Variants in EYS observed in about 807,000 individuals in gnomAD.
The protein encoded by EYS is protein eyes shut homolog.
A neutral mutation model predicts 282.1 loss-of-function variants in EYS; 250 were observed. The observed-to-expected ratio is 0.89, with a 90% CI of 0.80 to 0.98. The LOEUF is 0.98. Among genes scored for constraint, EYS ranks in the 50% least tolerant of loss-of-function variants. The pLI, the probability that EYS is intolerant of heterozygous loss-of-function variation, is 0.00. For missense variants in EYS, 4,016 were observed against 3,709.0 expected, an observed-to-expected ratio of 1.08 and a Z score of -2.15; for synonymous variants, 1,355 against 1,282.9, an observed-to-expected ratio of 1.06 and a Z score of -1.20.
At chr6:64,443,459 A>G (rs4087186) in intron 26 of EYS, among the ~76,000 whole-genome samples, 36,543 of 152,004 alleles carry the variant, frequency 0.24, 4,954 homozygotes, top group East Asian at 0.39. Flanking sequence ...GGAAGGCACA[A>G]TTGGTTTTGA....
intron 35 of EYS, among the ~76,000 whole-genome samples, chr6:63,886,979 C>A (rs1773276197): frequency 6.6e-6 from 1 of 152,074 alleles, no homozygotes; most frequent in South Asian, 2.1e-4. Context: ...TATAATTAAG[C>A]ATTAATTGCT....
At chr6:63,949,416 C>CT (rs1426725173) in intron 35 of EYS, among the ~76,000 whole-genome samples, 2 of 152,114 alleles carry the variant, frequency 1.3e-5, no homozygotes, top group Non-Finnish European at 2.9e-5. Flanking sequence ...GCCTGGGTAG[C>CT]TTTCTTATAT....
chr6:63,753,855 T>C (rs1015273206), intron 41 of EYS, among the ~76,000 whole-genome samples: 40 of 152,188 alleles, frequency 2.6e-4, no homozygotes, highest in African/African-American at 9.6e-4. Context: ...TATATGCAAG[T>C]CCACCCTTCC....
At chr6:64,413,788 T>A (rs538253494) in intron 28 of EYS, among the ~76,000 whole-genome samples, 45 of 152,286 alleles carry the variant, frequency 3.0e-4, no homozygotes, top group African/African-American at 1.1e-3. Flanking sequence ...GGTCTAAATA[T>A]TTGTGTCTTC....
At chr6:65,666,868 A>T (rs545240798) in intron 1 of EYS, among the ~76,000 whole-genome samples, 1 of 150,982 alleles carries the variant, frequency 6.6e-6, no homozygotes, top group South Asian at 2.1e-4. Flanking sequence ...CTCTTGAAAA[A>T]TACATAAAAA....
At chr6:63,799,022 A>ATATATATATATATATT (rs1770720007) in intron 37 of EYS, among the ~76,000 whole-genome samples, 1 of 69,572 alleles carries the variant, frequency 1.4e-5, no homozygotes, top group Non-Finnish European at 3.0e-5. Context: ...TATATATATA[A>ATATATATATATATATT]TTTTTTTTTT....
At chr6:64,606,850 C>T (rs892727564) in intron 24 of EYS, among the ~76,000 whole-genome samples, 2 of 152,032 alleles carry the variant, frequency 1.3e-5, no homozygotes, top group African/African-American at 4.8e-5. Context: ...CAAACACTAT[C>T]ATACAAGGAC....
intron 19 of EYS, among the ~76,000 whole-genome samples, chr6:64,863,471 A>G (rs1054580311): frequency 6.6e-6 from 1 of 152,078 alleles, no homozygotes; most frequent in Non-Finnish European, 1.5e-5. Context: ...TTCTTCACAT[A>G]CTTTTTAAAA....
intron 22 of EYS, among the ~76,000 whole-genome samples, chr6:64,629,146 T>G (rs1033767399): frequency 2.6e-5 from 4 of 152,214 alleles, no homozygotes; most frequent in African/African-American, 9.6e-5. Flanking sequence ...TGACTTCGAC[T>G]GTTTTGAAGG....
chr6:64,292,442 G>T (rs907524491), intron 30 of EYS, among the ~76,000 whole-genome samples: 1 of 152,066 alleles, frequency 6.6e-6, no homozygotes, highest in African/African-American at 2.4e-5. Flanking sequence ...AAATTGAGTT[G>T]CTAGAGAGCT....
chr6:64,475,036 T>C (rs1357774771), intron 26 of EYS, among the ~76,000 whole-genome samples: 6 of 152,224 alleles, frequency 3.9e-5, no homozygotes. Context: ...AACATAAATT[T>C]ACAAATATCT....
chr6:65,544,274 C>T (rs1411857), intron 2 of EYS, among the ~76,000 whole-genome samples: 113,420 of 152,038 alleles, frequency 0.75, 43,099 homozygotes, highest in African/African-American at 0.89. Context: ...TAAAAATTCA[C>T]TTAAGTCTAT....
rs1018514970 is a variant in EYS, at chr6:64,799,621, T to C, written c.3443+13757A>G. Among the ~76,000 whole-genome samples, 28 of 150,494 alleles carry C rather than the reference T, an allele frequency of 1.9e-4. 1 individual carries two copies. The highest frequency in any genetic ancestry group is 1.5e-3 in the Admixed American group (23 of 15,042). On this transcript the variant is annotated intron_variant, in intron 22 of 42. Transcript: ENST00000503581. The stretch of plus-strand genomic sequence containing the variant: ...TGACTAGGCCATATCTGATGCAATC[T>C]ATACCTGTGCTATTCTGAATATATG...
intron 31 of EYS, among the ~76,000 whole-genome samples, chr6:64,139,394 A>G (rs1034193311): frequency 6.6e-6 from 1 of 152,152 alleles, no homozygotes; most frequent in Non-Finnish European, 1.5e-5. Flanking sequence ...CTTTCTTGAG[A>G]TGGTTGATTA....
At chr6:64,934,634 AG>A (rs1768845333) in intron 15 of EYS, among the ~76,000 whole-genome samples, 1 of 151,942 alleles carries the variant, frequency 6.6e-6, no homozygotes, top group Non-Finnish European at 1.5e-5. Context: ...AGAAAAAAAA[AG>A]ACTATCAACC....
chr6:64,532,249 T>C (rs980007876), intron 26 of EYS, among the ~76,000 whole-genome samples: 1 of 152,182 alleles, frequency 6.6e-6, no homozygotes, highest in Non-Finnish European at 1.5e-5. Flanking sequence ...GGGATTTTAA[T>C]CTTGCTCAGA....
intron 26 of EYS, among the ~76,000 whole-genome samples, chr6:64,510,259 T>C (rs1777342083): frequency 6.6e-6 from 1 of 152,192 alleles, no homozygotes; most frequent in Admixed American, 6.5e-5. Flanking sequence ...TTGGAAATAA[T>C]GAATATGTAC....
At chr6:65,467,743 G>A (rs191338364) in intron 5 of EYS, among the ~76,000 whole-genome samples, 64 of 151,858 alleles carry the variant, frequency 4.2e-4, no homozygotes, top group Non-Finnish European at 7.1e-4. Flanking sequence ...AGGTAAAAAG[G>A]AGCCGCAAAT....
chr6:63,784,096 G>A (rs140808987), intron 39 of EYS, among the ~76,000 whole-genome samples: 2 of 152,280 alleles, frequency 1.3e-5, no homozygotes, highest in East Asian at 3.9e-4. Context: ...TGGGTCTTGA[G>A]CCTGATGGCT....
Sources: gnomAD v4.1 joint callset for allele counts (sites outside exome capture counted in the v4.1 genomes callset) on GRCh38, gnomAD v4.1.1 for gene constraint, MANE v1.5 for transcripts, NCBI Gene and HGNC (gene_info 2026-07-23, HGNC 2026-07-21) for gene names.